QSOX2: variants seen among roughly 807,000 people sequenced by gnomAD.
The protein encoded by QSOX2 is quiescin sulfhydryl oxidase 2, also known as sulfhydryl oxidase 2.
A neutral mutation model predicts 61.7 loss-of-function variants in QSOX2; 46 were observed. That is an observed-to-expected ratio of 0.75 (90% CI 0.59 to 0.95). The LOEUF (loss-of-function observed/expected upper bound fraction) is 0.95, where lower values mean the gene tolerates loss of function less well. QSOX2 is among the 40% of genes least tolerant of loss of function. The pLI is 0.00. For missense variants in QSOX2, 879 were observed against 918.9 expected (o/e 0.96, Z 0.56); for synonymous variants, 383 against 388.4 (o/e 0.99, Z 0.16).
chr9:136,207,344 CAA>C lies in QSOX2; in HGVS notation c.*1382_*1383del, dbSNP rs1417443104. The C allele has an allele frequency of 6.8e-6, 1 of 146,090 alleles. No homozygotes were observed. Among genetic ancestry groups the C allele is most frequent in the African/African-American group, 2.6e-5 (1 of 38,976 alleles). 9.0% of individuals were successfully genotyped at this position (146,090 alleles called of 1,614,324 possible). Reference sequence around the variant, plus strand: ...AAGCGGAAAAAATATCTACAACCGTCAAAGTCTCTCTCTCTCTCATACACACA... The same window carrying C: ...AAGCGGAAAAAATATCTACAACCGTCAGTCTCTCTCTCTCTCATACACACA... On this transcript the variant is annotated 3_prime_UTR_variant, in exon 12 of 12. Coordinates refer to ENST00000358701, the MANE Select transcript of QSOX2 (RefSeq NM_181701.4).
chr9:136,216,572 C>A, intron 9 of QSOX2, 28 bp downstream of exon 9: 1 of 1,611,552 alleles, frequency 6.2e-7, no homozygotes, highest in Non-Finnish European at 8.5e-7. Context: ...GAGGGTGCAG[C>A]GTGGCTGGCG....
intron 11 of QSOX2, chr9:136,210,724 A>G: frequency 1.2e-5 from 12 of 985,194 alleles, no homozygotes; most frequent in Non-Finnish European, 1.4e-5. Flanking sequence ...ATTCATCTCT[A>G]TTAAGATTTC....
chr9:136,244,308 C>G (rs929959102), intron 1 of QSOX2, among the ~76,000 whole-genome samples: 5 of 152,124 alleles, frequency 3.3e-5, no homozygotes, highest in African/African-American at 1.2e-4. Context: ...CATAAGAAAA[C>G]ATGAGATCAA....
At chr9:136,216,814 C>T in intron 8 of QSOX2, 92 bp from the exon 9 acceptor site, 1 of 1,496,756 alleles carries the variant, frequency 6.7e-7, no homozygotes, top group Non-Finnish European at 9.1e-7. Flanking sequence ...GAGAAGCACT[C>T]CATCCGCAGA....
At chr9:136,234,481 C>A (rs1222367759) in intron 1 of QSOX2, among the ~76,000 whole-genome samples, 2 of 152,222 alleles carry the variant, frequency 1.3e-5, no homozygotes, top group African/African-American at 4.8e-5. Flanking sequence ...CACACCTTTT[C>A]CAGCTCAGCG....
At chr9:136,233,563 G>A (rs1024420586) in intron 1 of QSOX2, among the ~76,000 whole-genome samples, 5 of 152,214 alleles carry the variant, frequency 3.3e-5, no homozygotes, top group Non-Finnish European at 7.3e-5. Context: ...GAAGGCTGTC[G>A]AGCCCACACA....
rs529176985 is a variant in QSOX2 at position 136,222,972 on chromosome 9, G to A, written c.675+791C>T. On this transcript the variant is annotated intron_variant, in intron 5 of 11. Transcript: ENST00000358701. This position sits in a 1 kb window ranked among gnomAD's most constrained non-coding sequence, Gnocchi z 6.9. ...GCCTGGCGTCACCATCAAACCTGGA[G>A]GGGGCGGTGCTGGGGTGCCAGGAGG... 2.0e-5 allele frequency among the ~76,000 whole-genome samples: 3 copies of A among 152,382 alleles called. No individual in the cohort carries two copies. The highest frequency in any genetic ancestry group is 7.2e-5 in the African/African-American group (3 of 41,600).
chr9:136,214,136 C>A (rs1831881474), intron 10 of QSOX2, among the ~76,000 whole-genome samples: 1 of 152,194 alleles, frequency 6.6e-6, no homozygotes, highest in Admixed American at 6.5e-5. Flanking sequence ...ACTGCTTCAA[C>A]TGGGAAGCAC....
chr9:136,235,802 C>T (rs1296155832), intron 1 of QSOX2, among the ~76,000 whole-genome samples: 1 of 152,192 alleles, frequency 6.6e-6, no homozygotes, highest in African/African-American at 2.4e-5. Flanking sequence ...GCTGAGCCGT[C>T]TCTTCTCCAC....
Position 136,224,052 on chromosome 9 carries a change from G to A in QSOX2, c.539C>T (p.Thr180Met), listed in dbSNP as rs377198795. ...GCAGGCAGGGGGCCGGCTTCCTTCC[G>A]TGTGGTTCTGCAGGAAGTCAATCAT... ...QTMIDFLQNH[T>M]EGSRPPACPR... Residue 180 changes from threonine (T) to methionine (M), a missense_variant, in exon 4 of 12, where the codon ACG becomes ATG. Physicochemically the swap from Thr to Met is moderately conservative, Grantham distance 81. Transcript: ENST00000358701. 1.2e-5 allele frequency: 20 copies of A among 1,614,062 alleles called. No homozygotes were observed. Among genetic ancestry groups the A allele is most frequent in the Middle Eastern group, 3.3e-4 (2 of 6,062 alleles).
At chr9:136,224,690 T>G (rs897672211) in intron 3 of QSOX2, among the ~76,000 whole-genome samples, 171 bp downstream of exon 3, 1 of 152,186 alleles carries the variant, frequency 6.6e-6, no homozygotes, top group African/African-American at 2.4e-5. Flanking sequence ...AAATTAAAAT[T>G]TCTCTTTGAA....
intron 1 of QSOX2, among the ~76,000 whole-genome samples, chr9:136,231,581 C>T (rs1238087956): frequency 6.6e-6 from 1 of 152,280 alleles, no homozygotes; most frequent in Non-Finnish European, 1.5e-5. Flanking sequence ...CCCATCCCCA[C>T]ACATAGGAGG....
rs1830220537 is a variant in QSOX2 at position 136,221,980 on chromosome 9, G to A, written c.676-39C>T. On this transcript the variant is annotated intron_variant, in intron 5 of 11. Transcript: ENST00000358701. The surrounding 1 kb of genome is among the most constrained non-coding windows in gnomAD (Gnocchi z 4.5). Reference sequence around the variant, plus strand: ...ACACAATGACACTTCCACAGGGGCTGGCAGTTTCTCAGAAAACACGACGTG... The same window carrying A: ...ACACAATGACACTTCCACAGGGGCTAGCAGTTTCTCAGAAAACACGACGTG... 6.6e-7 allele frequency: 1 copy of A among 1,512,574 alleles called. No individual in the cohort carries two copies. The highest frequency in any genetic ancestry group is 8.9e-7 in the Non-Finnish European group (1 of 1,126,816). 93.7% of individuals were successfully genotyped at this position (1,512,574 alleles called of 1,614,324 possible).
intron 10 of QSOX2, among the ~76,000 whole-genome samples, chr9:136,213,279 T>C (rs1831870776): frequency 6.9e-6 from 1 of 145,564 alleles, no homozygotes; most frequent in African/African-American, 2.6e-5. Flanking sequence ...ACAGTCTTGC[T>C]GTTGCCCAGG....
Position 136,211,553 on chromosome 9 carries a change from G to T in QSOX2, c.1361-101C>A, listed in dbSNP as rs1027328255. ...GGGGGGAAACCGCTCCTGACATGTC[G>T]GGAAGCCACCTCATGTCTCCCCAGG... On this transcript the variant is annotated intron_variant, in intron 10 of 11. Transcript: ENST00000358701. 4.2e-6 allele frequency: 5 copies of T among 1,202,670 alleles called. No homozygotes were observed. The African/African-American group carries it at 7.5e-5, about 18-fold the overall frequency. 74.5% of individuals were successfully genotyped at this position (1,202,670 alleles called of 1,614,324 possible). A position where few individuals can be genotyped will look rare whatever the true frequency, so the allele number is the denominator to read the frequency against.
intron 9 of QSOX2, among the ~76,000 whole-genome samples, chr9:136,216,214 G>T (rs1431335559): frequency 1.3e-5 from 2 of 152,252 alleles, no homozygotes; most frequent in African/African-American, 4.8e-5. Flanking sequence ...CCTGAGCAAA[G>T]ACTGGCACCT....
At chr9:136,245,376 G>A (rs113591153) in intron 1 of QSOX2, 100 bp downstream of exon 1, 8 of 988,924 alleles carry the variant, frequency 8.1e-6, no homozygotes, top group East Asian at 5.8e-5. Flanking sequence ...AGAAATACGG[G>A]GGAGGGGCCC....
intron 1 of QSOX2, among the ~76,000 whole-genome samples, chr9:136,245,104 G>A (rs1830460308): frequency 6.6e-6 from 1 of 152,276 alleles, no homozygotes; most frequent in African/African-American, 2.4e-5. Context: ...GGCCTGGAAG[G>A]TCAATGAAGT....
intron 10 of QSOX2, 29 bp from the exon 11 acceptor site, chr9:136,211,481 G>T (rs750676526): frequency 3.7e-6 from 6 of 1,607,490 alleles, no homozygotes; most frequent in Admixed American, 3.3e-5. Flanking sequence ...TGCTGACAAC[G>T]GCAGGTGCGT....
Sources: gnomAD v4.1 joint callset for allele counts (sites outside exome capture counted in the v4.1 genomes callset) on GRCh38, gnomAD v4.1.1 for gene constraint, Gnocchi (gnomAD v3.1) non-coding constraint, MANE v1.5 for transcripts, NCBI Gene and HGNC (gene_info 2026-07-23, HGNC 2026-07-21) for gene names.